The following ABAT variants were observed in gnomAD, a reference collection of about 807,000 sequenced individuals.
ABAT encodes 4-aminobutyrate aminotransferase, also known as 4-aminobutyrate aminotransferase, mitochondrial.
In ABAT, 45 loss-of-function variants were observed where a neutral mutation model predicts 64.6. The observed-to-expected ratio is 0.70, with a 90% CI of 0.55 to 0.89. The LOEUF (loss-of-function observed/expected upper bound fraction) is 0.89. Ranked by LOEUF, ABAT falls within the 40% of genes least tolerant of loss-of-function variation. The pLI is 0.00. For synonymous variants in ABAT, 297 were observed against 250.5 expected, an observed-to-expected ratio of 1.19 and a Z score of -1.75; for missense variants, 633 against 658.4, an observed-to-expected ratio of 0.96 and a Z score of 0.42.
intron 1 of ABAT, among the ~76,000 whole-genome samples, chr16:8,718,560 C>T (rs923392477): frequency 6.6e-6 from 1 of 152,250 alleles, no homozygotes; most frequent in African/African-American, 2.4e-5. Flanking sequence ...CTACAATAGC[C>T]AGACACCGTT....
At position 8,775,120 on chromosome 16, in the gene ABAT, A is replaced by ACTGTT. The variant is rs1384674936; in HGVS notation, c.1122+65_1122+69dup. The ACTGTT allele has an allele frequency of 1.2e-5, 19 of 1,607,864 alleles. No homozygotes were observed. The African/African-American group carries it at 2.5e-4, about 21-fold the overall frequency. ...GAGAAGGGAGCATCCTCTTCTCCTA[A>ACTGTT]CTGTTCCTTTCTCACCATCGAGGAG... On this transcript the variant is annotated intron_variant, in intron 13 of 15. Transcript: ENST00000268251.
intron 1 of ABAT, among the ~76,000 whole-genome samples, chr16:8,734,701 G>A (rs536895826): frequency 4.9e-4 from 75 of 152,312 alleles, no homozygotes; most frequent in African/African-American, 1.7e-3. Context: ...TCGCTGTTCT[G>A]AGATACAAAT....
intron 1 of ABAT, among the ~76,000 whole-genome samples, chr16:8,699,566 T>TAATAA (rs2057774578): frequency 6.6e-6 from 1 of 151,014 alleles, no homozygotes; most frequent in South Asian, 2.2e-4. Context: ...TCAAAAACAA[T>TAATAA]AATAAAATAA....
intron 5 of ABAT, among the ~76,000 whole-genome samples, chr16:8,751,536 C>G (rs1456255042): frequency 1.3e-5 from 2 of 152,202 alleles, no homozygotes; most frequent in Non-Finnish European, 2.9e-5. Flanking sequence ...ACTTCGGGCT[C>G]TGGTGCATAC....
chr16:8,765,025 T>G, intron 8 of ABAT, among the ~76,000 whole-genome samples, 195 bp downstream of exon 8: 1 of 152,044 alleles, frequency 6.6e-6, no homozygotes, highest in Non-Finnish European at 1.5e-5. Flanking sequence ...GGGCTGAGGC[T>G]TTGGCATCAA....
At chr16:8,772,237 A>G (rs2060129293) in intron 11 of ABAT, among the ~76,000 whole-genome samples, 1 of 138,106 alleles carries the variant, frequency 7.2e-6, no homozygotes, top group Admixed American at 7.3e-5. Context: ...ACTCTGCTGT[A>G]TTTTCTCTCT....
intron 1 of ABAT, among the ~76,000 whole-genome samples, chr16:8,680,360 A>G (rs2057303089): frequency 6.6e-6 from 1 of 152,236 alleles, no homozygotes; most frequent in Admixed American, 6.5e-5. Flanking sequence ...AATGCAGAAA[A>G]GTATTTTTTA....
rs749314702 is a variant in ABAT, at chr16:8,764,034, C to G, written c.367-35C>G. 1 of 1,597,580 alleles carries G rather than the reference C, an allele frequency of 6.3e-7. No homozygotes were observed. The highest frequency in any genetic ancestry group is 1.1e-5 in the South Asian group (1 of 90,720). ...GTGGGCAGGGAGCTGGGTCAGGCCC[C>G]CAGAAGTCACCATTTGTCTCTTGCC... On this transcript the variant is annotated intron_variant, in intron 6 of 15. Coordinates refer to ENST00000268251, the MANE Select transcript of ABAT (RefSeq NM_020686.6). The surrounding 1 kb of genome is among the most constrained non-coding windows in gnomAD (Gnocchi z 4.2).
intron 5 of ABAT, among the ~76,000 whole-genome samples, chr16:8,751,830 G>C (rs1002574673): frequency 1.3e-5 from 2 of 152,190 alleles, no homozygotes; most frequent in Admixed American, 6.5e-5. Flanking sequence ...CAGCCATATA[G>C]AGTGTTCACT....
chr16:8,681,622 C>T (rs936080718), intron 1 of ABAT, among the ~76,000 whole-genome samples: 1 of 148,616 alleles, frequency 6.7e-6, no homozygotes, highest in African/African-American at 2.5e-5. Flanking sequence ...AGAGTGGCCC[C>T]TAATCCAATG....
chr16:8,738,724 A>C (rs1038470092), intron 2 of ABAT, among the ~76,000 whole-genome samples: 1 of 149,672 alleles, frequency 6.7e-6, no homozygotes, highest in African/African-American at 2.5e-5. Flanking sequence ...GACTCACTGC[A>C]ACCTCCACCT....
At position 8,764,607 on chromosome 16, in the gene ABAT, A is replaced by G; in HGVS notation, c.448-131A>G. ...AGCCTGAGCCCACCCTCCCAGTCCGACACCTTCCAGGACAGCCCTGGTTCT... is the reference window on the plus strand; with the variant it reads ...AGCCTGAGCCCACCCTCCCAGTCCGGCACCTTCCAGGACAGCCCTGGTTCT... On this transcript the variant is annotated intron_variant, in intron 7 of 15. Coordinates refer to ENST00000268251, the MANE Select transcript of ABAT (RefSeq NM_020686.6). The surrounding 1 kb of genome is among the most constrained non-coding windows in gnomAD (Gnocchi z 4.2). 1.1e-6 allele frequency: 1 copy of G among 904,234 alleles called. No homozygotes were observed. The highest frequency in any genetic ancestry group is 1.8e-6 in the Non-Finnish European group (1 of 559,950). 56.0% of individuals were successfully genotyped at this position (904,234 alleles called of 1,614,324 possible). A position where few individuals can be genotyped will look rare whatever the true frequency, so the allele number is the denominator to read the frequency against.
intron 3 of ABAT, among the ~76,000 whole-genome samples, chr16:8,746,383 T>C (rs1167646741): frequency 1.3e-5 from 2 of 151,152 alleles, no homozygotes; most frequent in Non-Finnish European, 2.9e-5. Context: ...TGAAACCCTG[T>C]CTGTACTCAA....
Position 8,706,619 on chromosome 16 carries a change from A to G in ABAT, c.-41-29080A>G, listed in dbSNP as rs146604149. ...ATCCAGCTACTGAGGAAGCTGAGGC[A>G]CGAGAATCAATTGAACCTGGGAGGT... is the stretch of plus-strand genomic sequence containing the variant. On this transcript the variant is annotated intron_variant, in intron 1 of 15. Transcript: ENST00000268251. Among the ~76,000 whole-genome samples, 333 of 152,192 alleles carry G rather than the reference A, an allele frequency of 2.2e-3. 2 individuals are homozygous for G. Among genetic ancestry groups the G allele is most frequent in the African/African-American group, 7.7e-3 (319 of 41,534 alleles).
At chr16:8,772,938 T>C (rs773822255) in intron 12 of ABAT, 21 bp downstream of exon 12, 18 of 1,612,512 alleles carry the variant, frequency 1.1e-5, no homozygotes, top group Admixed American at 3.3e-5. Context: ...AGGGCCGAGG[T>C]TGGATGGAGC....
At chr16:8,730,347 A>G (rs1210702891) in intron 1 of ABAT, among the ~76,000 whole-genome samples, 3 of 152,152 alleles carry the variant, frequency 2.0e-5, no homozygotes, top group Non-Finnish European at 4.4e-5. Flanking sequence ...CTAATAATAC[A>G]GCCAACATTC....
intron 8 of ABAT, among the ~76,000 whole-genome samples, chr16:8,765,339 A>G (rs1413273868): frequency 4.0e-5 from 6 of 150,840 alleles, no homozygotes; most frequent in Non-Finnish European, 3.0e-5. Flanking sequence ...CTGTCTCAAA[A>G]AAAAAAAAAG....
chr16:8,753,721 T>G (rs898126377), intron 5 of ABAT, among the ~76,000 whole-genome samples: 3 of 152,152 alleles, frequency 2.0e-5, no homozygotes, highest in African/African-American at 4.8e-5. Context: ...AGGTGTACTT[T>G]TCAGTCTTGG....
Position 8,766,256 on chromosome 16 carries a change from T to C in ABAT, c.589T>C (p.Cys197Arg). The change falls in exon 9 of 16, where the codon TGC becomes CGC. Residue 197 changes from cysteine (C) to arginine (R), a missense_variant. Transcript: ENST00000268251. ...CTTCTCCCAGGAGGAGCTGGAGACG[T>C]GCATGATTAACCAGGTGAGTGCAGC... ...RGFSQEELET[C>R]MINQAPGCPD... 6.2e-7 allele frequency: 1 copy of C among 1,614,090 alleles called. No homozygotes were observed. The highest frequency in any genetic ancestry group is 8.5e-7 in the Non-Finnish European group (1 of 1,179,954).
Sources: allele counts gnomAD v4.1 joint callset (sites outside exome capture counted in the v4.1 genomes callset), GRCh38; gene constraint gnomAD v4.1.1; non-coding constraint Gnocchi (gnomAD v3.1); transcripts MANE v1.5; gene names NCBI Gene and HGNC (gene_info 2026-07-23, HGNC 2026-07-21).